The following CCDC125 variants were observed in gnomAD, a reference collection of about 807,000 sequenced individuals.
CCDC125 encodes coiled-coil domain-containing protein 125.
A neutral mutation model predicts 57.4 loss-of-function variants in CCDC125; 43 were observed. That is an observed-to-expected ratio of 0.75 (90% CI 0.59 to 0.97). CCDC125 has a LOEUF of 0.97. Among genes scored for constraint, CCDC125 ranks in the 50% least tolerant of loss-of-function variants. The pLI is 0.00. For synonymous variants in CCDC125, 187 were observed against 195.2 expected (o/e 0.96, Z 0.35); for missense variants, 563 against 595.7 (o/e 0.95, Z 0.57).
At chr5:69,300,672 T>G (rs1756249165) in intron 7 of CCDC125, among the ~76,000 whole-genome samples, 1 of 152,084 alleles carries the variant, frequency 6.6e-6, no homozygotes, top group Non-Finnish European at 1.5e-5. Context: ...CTTATGATCA[T>G]GAGCAGCTTC....
intron 8 of CCDC125, among the ~76,000 whole-genome samples, chr5:69,296,437 A>T (rs971858989): frequency 1.3e-5 from 2 of 152,040 alleles, no homozygotes; most frequent in Non-Finnish European, 2.9e-5. Context: ...CTGTAATCCC[A>T]GCTACTTGGG....
chr5:69,306,958 G>C (rs1757417799), intron 5 of CCDC125, 56 bp from the exon 6 acceptor site: 1 of 1,382,072 alleles, frequency 7.2e-7, no homozygotes, highest in Non-Finnish European at 9.4e-7. Context: ...ATCATTTCAG[G>C]ACATTGTGAA....
At chr5:69,292,989 T>G (rs1454470346) in intron 9 of CCDC125, among the ~76,000 whole-genome samples, 1 of 151,694 alleles carries the variant, frequency 6.6e-6, no homozygotes, top group Non-Finnish European at 1.5e-5. Flanking sequence ...TATAGGCGCA[T>G]GTTGCCACGC....
At chr5:69,331,052 G>A (rs984462836) in intron 1 of CCDC125, among the ~76,000 whole-genome samples, 3 of 151,734 alleles carry the variant, frequency 2.0e-5, no homozygotes, top group African/African-American at 7.3e-5. Flanking sequence ...CATGTAATCC[G>A]AGCACTTTGG....
chr5:69,332,465 G>T (rs1761532319), intron 1 of CCDC125, among the ~76,000 whole-genome samples, 184 bp downstream of exon 1: 1 of 152,204 alleles, frequency 6.6e-6, no homozygotes. Flanking sequence ...AAGTAAAGCA[G>T]GTGGAGAGGC....
rs1462733678 is a variant in CCDC125, at chr5:69,287,333, G to C, written c.1100-1866C>G. ...GGCTGGAGTGCAACAGCGCAATCTT[G>C]GCTCACCACAACCTCTGCCTCCCGG... On this transcript the variant is annotated intron_variant, in intron 10 of 11. Transcript: ENST00000396496. 2.1e-5 allele frequency among the ~76,000 whole-genome samples: 3 copies of C among 146,292 alleles called. No individual in the cohort carries two copies. The Admixed American group carries it at 2.1e-4, about 10-fold the overall frequency.
At chr5:69,329,848 C>G (rs769230734) in intron 1 of CCDC125, among the ~76,000 whole-genome samples, 5 of 152,058 alleles carry the variant, frequency 3.3e-5, no homozygotes, top group Non-Finnish European at 7.4e-5. Flanking sequence ...GTGACTTGCC[C>G]CAAATACAAT....
chr5:69,276,600 C>A, downstream of CCDC125: 4 of 1,613,864 alleles, frequency 2.5e-6, no homozygotes, highest in Non-Finnish European at 3.4e-6. Context: ...ATGTCAGCTG[C>A]CAAGACCAAA....
downstream of CCDC125, chr5:69,276,729 G>A (rs941386477): frequency 6.4e-7 from 1 of 1,573,984 alleles, no homozygotes; most frequent in Non-Finnish European, 8.7e-7. Context: ...AATGAATTTA[G>A]AAAACTCCAA....
rs1259379183 is a variant in CCDC125 at position 69,281,851 on chromosome 5, C to T, written c.*878G>A. On this transcript the variant is annotated 3_prime_UTR_variant, in exon 12 of 12. Coordinates refer to ENST00000396496, the MANE Select transcript of CCDC125 (RefSeq NM_176816.5). ...ATAATTTTTTGTTTTTCCCAAAAAT[C>T]ATTATTTTTTGTTTTAGGATGTTGG... The T allele has an allele frequency of 6.6e-6, 1 of 150,466 alleles. No individual in the cohort carries two copies. Among genetic ancestry groups the T allele is most frequent in the Non-Finnish European group, 1.5e-5 (1 of 67,726 alleles). 9.3% of individuals were successfully genotyped at this position (150,466 alleles called of 1,614,324 possible).
chr5:69,306,317 G>T (rs752935487), intron 6 of CCDC125, among the ~76,000 whole-genome samples: 1 of 151,852 alleles, frequency 6.6e-6, no homozygotes, highest in Non-Finnish European at 1.5e-5. Flanking sequence ...TACTATTTTG[G>T]TTTTTGTTTT....
At chr5:69,297,616 C>T (rs778426630) in intron 8 of CCDC125, among the ~76,000 whole-genome samples, 4 of 151,488 alleles carry the variant, frequency 2.6e-5, no homozygotes, top group Non-Finnish European at 4.4e-5. Flanking sequence ...CCTCAGCCCC[C>T]GCAAAGTGCT....
chr5:69,273,113 A>G, the CCDC125 span: 1 of 1,058,786 alleles, frequency 9.4e-7, no homozygotes, highest in African/African-American at 1.6e-5. Context: ...TAAAAATAGA[A>G]TTTCATAAAA....
At chr5:69,325,057 GT>G (rs1760555283) in intron 1 of CCDC125, among the ~76,000 whole-genome samples, 1 of 152,120 alleles carries the variant, frequency 6.6e-6, no homozygotes, top group South Asian at 2.1e-4. Flanking sequence ...GGGTGTGGTG[GT>G]TCATGCCTGC....
chr5:69,291,893 C>T lies in CCDC125; in HGVS notation c.1099+295G>A, dbSNP rs78194720. On this transcript the variant is annotated intron_variant, in intron 10 of 11. Transcript: ENST00000396496. ...GCAGTTTCCTTTTAATCACCTAGCA[C>T]TTTTATTGTAAAGTTTTTTCACTAA... Among the ~76,000 whole-genome samples the T allele has an allele frequency of 4.2e-3, 636 of 152,244 alleles. 6 individuals carry two copies. Among genetic ancestry groups the T allele is most frequent in the African/African-American group, 0.015 (617 of 41,552 alleles).
At chr5:69,299,179 G>C (rs28730315) in intron 8 of CCDC125, among the ~76,000 whole-genome samples, 1 of 151,142 alleles carries the variant, frequency 6.6e-6, no homozygotes, top group South Asian at 2.1e-4. Flanking sequence ...GCGCGATCTC[G>C]GCTCACTGCA....
At chr5:69,299,971 C>T in intron 8 of CCDC125, 41 bp downstream of exon 8, 1 of 1,403,324 alleles carries the variant, frequency 7.1e-7, no homozygotes, top group East Asian at 2.3e-5. Flanking sequence ...AGGAAAGTAG[C>T]AAATGTCCCT....
chr5:69,286,208 ATATATATATATATATATATATATATAAT>A, intron 10 of CCDC125, among the ~76,000 whole-genome samples: 1 of 118,460 alleles, frequency 8.4e-6, no homozygotes, highest in African/African-American at 3.2e-5. Flanking sequence ...ATATATATAT[ATATATATATATATATATATATATATAAT>A]TTTTTTTTTT....
intron 1 of CCDC125, 50 bp from the exon 2 acceptor site, chr5:69,320,630 C>T (rs1012956919): frequency 3.9e-6 from 3 of 776,590 alleles, no homozygotes; most frequent in African/African-American, 3.4e-5. Context: ...GATCCAGCAA[C>T]CCCACCTCTC....
Sources: gnomAD v4.1 joint callset for allele counts (sites outside exome capture counted in the v4.1 genomes callset) on GRCh38, gnomAD v4.1.1 for gene constraint, MANE v1.5 for transcripts, NCBI Gene and HGNC (gene_info 2026-07-23, HGNC 2026-07-21) for gene names.